Variants in HERC1 observed in about 807,000 individuals in gnomAD.
HERC1 encodes the protein HECT and RLD domain containing E3 ubiquitin protein ligase family member 1.
In HERC1, 160 loss-of-function variants were observed where a neutral mutation model predicts 554.3. The ratio of observed to expected loss-of-function variants is 0.29; its 90% CI spans 0.25 to 0.33. The LOEUF (loss-of-function observed/expected upper bound fraction) is 0.33, where lower values mean the gene tolerates loss of function less well. Among genes scored for constraint, HERC1 ranks in the 10% least tolerant of loss-of-function variants. The pLI, the probability that HERC1 is intolerant of heterozygous loss-of-function variation, is 1.00. For missense variants in HERC1, 4,919 were observed against 5,918.5 expected, an observed-to-expected ratio of 0.83 and a Z score of 5.54; for synonymous variants, 2,175 against 2,131.7, an observed-to-expected ratio of 1.02 and a Z score of -0.56.
At chr15:63,744,110 CTG>C (rs142936354) in intron 12 of HERC1, among the ~76,000 whole-genome samples, 328 of 93,372 alleles carry the variant, frequency 3.5e-3, no homozygotes, top group East Asian at 0.014. Context: ...CCCAAACAGA[CTG>C]TGTGTGTGTG....
intron 19 of HERC1, among the ~76,000 whole-genome samples, chr15:63,721,606 C>A (rs1277279935): frequency 6.6e-6 from 1 of 151,988 alleles, no homozygotes; most frequent in African/African-American, 2.4e-5. Context: ...ATATGTATCT[C>A]ATTTCATTTT....
chr15:63,810,524 T>A (rs949026426), intron 1 of HERC1, among the ~76,000 whole-genome samples: 1 of 152,074 alleles, frequency 6.6e-6, no homozygotes, highest in Non-Finnish European at 1.5e-5. Context: ...TGGGAAAAAC[T>A]AGGAAAATGA....
At position 63,696,286 on chromosome 15, in the gene HERC1, T is replaced by C; in HGVS notation, c.4959A>G (p.Glu1653=). 3.7e-6 allele frequency: 6 copies of C among 1,613,386 alleles called. No homozygotes were observed. The highest frequency in any genetic ancestry group is 5.1e-6 in the Non-Finnish European group (6 of 1,179,674). ...TTCCTGCCAGTGAGATGCTACCTTT[T>C]TCTTCCATCCCAGACAATAGAACGA... The part of the protein sequence containing the change: ...QILVLLSGME[E]KGSISLAGSR... Residue 1653 remains glutamate (E), a synonymous_variant, in exon 27 of 78, where the codon GAA becomes GAG. Coordinates refer to ENST00000443617, the MANE Select transcript of HERC1 (RefSeq NM_003922.4).
In HERC1 at chr15:63,718,754, T is replaced by C; in HGVS notation, c.3857+29A>G. 6.2e-7 allele frequency: 1 copy of C among 1,605,450 alleles called. No homozygotes were observed. On this transcript the variant is annotated intron_variant, in intron 20 of 77. Transcript: ENST00000443617. This position sits in a 1 kb window ranked among gnomAD's most constrained non-coding sequence, Gnocchi z 4.2. ...TTTCTGACATCATGAGAGCAAATAT[T>C]TGTCTGAGGATAGTTTTAAGTTACT... is the stretch of plus-strand genomic sequence containing the variant.
chr15:63,756,643 G>A lies in HERC1; in HGVS notation c.1327C>T (p.Gln443Ter), dbSNP rs774088719. 6.2e-7 allele frequency: 1 copy of A among 1,613,120 alleles called. No individual in the cohort carries two copies. Among genetic ancestry groups the A allele is most frequent in the Non-Finnish European group, 8.5e-7 (1 of 1,179,242 alleles). Residue 443 changes from glutamine (Q) to a stop codon, truncating the protein, a stop_gained, in exon 5 of 78, where the codon CAG becomes TAG. Coordinates refer to ENST00000443617, the MANE Select transcript of HERC1 (RefSeq NM_003922.4). LOFTEE classifies it high-confidence loss of function. The surrounding 1 kb of genome is among the most constrained non-coding windows in gnomAD (Gnocchi z 5.0). ...AATGTTAACTTTTTTAAAGTTGACT[G>A]ATTATTGGAGTCTCCAAGGCCCAGT... The part of the protein sequence containing the change: ...GRLGLGDSNN[Q>*]STLKKLTFEP...
intron 12 of HERC1, among the ~76,000 whole-genome samples, chr15:63,743,263 C>CTTTTTTTTTTTTTTTT (rs71131177): frequency 5.9e-4 from 64 of 109,110 alleles, no homozygotes; most frequent in Non-Finnish European, 7.3e-4. Context: ...TTTTCTTTTT[C>CTTTTTTTTTTTTTTTT]TTTTTTTTTT....
intron 59 of HERC1, 86 bp downstream of exon 59, chr15:63,642,871 C>T: frequency 1.3e-6 from 1 of 775,728 alleles, no homozygotes; most frequent in South Asian, 1.5e-5. Flanking sequence ...TCAGGTTTCT[C>T]CTCCATAAAG....
chr15:63,754,894 A>G (rs535678200), intron 6 of HERC1, among the ~76,000 whole-genome samples: 2 of 152,268 alleles, frequency 1.3e-5, no homozygotes, highest in South Asian at 4.1e-4. Context: ...CACAGCACTT[A>G]CCTTGTGTTG....
At chr15:63,783,516 AC>A (rs2076348059) in intron 1 of HERC1, among the ~76,000 whole-genome samples, 2 of 151,662 alleles carry the variant, frequency 1.3e-5, no homozygotes, top group South Asian at 4.1e-4. Context: ...CTTTATATAC[AC>A]TGAGAAACCA....
At chr15:63,801,973 T>C (rs567019792) in intron 1 of HERC1, among the ~76,000 whole-genome samples, 3 of 152,348 alleles carry the variant, frequency 2.0e-5, no homozygotes, top group Non-Finnish European at 2.9e-5. Flanking sequence ...TAACACATCA[T>C]GTTTAAAACT....
chr15:63,610,668 G>A (rs752266027), intron 77 of HERC1, among the ~76,000 whole-genome samples: 7 of 152,234 alleles, frequency 4.6e-5, no homozygotes, highest in Non-Finnish European at 1.0e-4. Flanking sequence ...TAGCCCAGGA[G>A]CAGAGCAGCA....
rs1484921907 is a variant in HERC1, at chr15:63,755,466, G to C, written c.1534-141C>G. On this transcript the variant is annotated intron_variant, in intron 5 of 77. Coordinates refer to ENST00000443617, the MANE Select transcript of HERC1 (RefSeq NM_003922.4). ...TTCCAGGTACAGTTGTGGAGGCTGTGTTCAGGCCAAGGATGACTGGCTAAG... is the reference window on the plus strand; with the variant it reads ...TTCCAGGTACAGTTGTGGAGGCTGTCTTCAGGCCAAGGATGACTGGCTAAG... 3 of 690,540 alleles carry C rather than the reference G, an allele frequency of 4.3e-6. No homozygotes were observed. The African/African-American group carries it at 5.3e-5, about 12-fold the overall frequency. The allele number at this position is 690,540 out of a possible 1,614,324, so 42.8% of individuals were successfully genotyped here. A position where few individuals can be genotyped will look rare whatever the true frequency, so the allele number is the denominator to read the frequency against.
chr15:63,765,739 T>C (rs1196081060), intron 2 of HERC1, among the ~76,000 whole-genome samples: 2 of 152,188 alleles, frequency 1.3e-5, no homozygotes, highest in Admixed American at 6.5e-5. Context: ...CATGTACTGA[T>C]TGATATATTA....
At chr15:63,744,144 GTGTGTGTGTGTGTGTGTGTGTC>G (rs2074950311) in intron 12 of HERC1, among the ~76,000 whole-genome samples, 4 of 41,802 alleles carry the variant, frequency 9.6e-5, no homozygotes, top group Non-Finnish European at 1.5e-4. Context: ...GTGTGTGTGT[GTGTGTGTGTGTGTGTGTGTGTC>G]TCTCTCTCTC....
chr15:63,649,126 G>T (rs1039587687), intron 54 of HERC1, among the ~76,000 whole-genome samples: 1 of 152,212 alleles, frequency 6.6e-6, no homozygotes, highest in South Asian at 2.1e-4. Context: ...AGGCCAAGGT[G>T]GGCGGATCAC....
At chr15:63,753,185 T>A in intron 7 of HERC1, 100 bp from the exon 8 acceptor site, 2 of 765,620 alleles carry the variant, frequency 2.6e-6, no homozygotes, top group Non-Finnish European at 3.7e-6. Context: ...TTTCCATCAC[T>A]AACCTGGCAG....
intron 2 of HERC1, among the ~76,000 whole-genome samples, chr15:63,769,064 G>A (rs2075870256): frequency 6.6e-6 from 1 of 152,154 alleles, no homozygotes; most frequent in South Asian, 2.1e-4. Context: ...AAAAAAGTCA[G>A]TATTTAAGGA....
chr15:63,732,862 C>A, intron 14 of HERC1, 62 bp downstream of exon 14: 1 of 1,095,944 alleles, frequency 9.1e-7, no homozygotes, highest in Non-Finnish European at 1.4e-6. Context: ...TGTCAAAATA[C>A]CTTGACTAAA....
Position 63,645,654 on chromosome 15 carries a change from G to C in HERC1, c.10907C>G (p.Pro3636Arg). ...KDTLISMKWDPTGHILMTCAK... is the reference protein window; with the variant it reads ...KDTLISMKWDRTGHILMTCAK... ...ACATGTCATAAGAATATGACCTGTA[G>C]GGTCCCACTTCATGCTAATAAGAGT... Residue 3636 changes from proline to arginine, a missense_variant, in exon 56 of 78, where the codon CCT becomes CGT. This residue lies in a region of HERC1 where 1,963 missense variants were observed against 2,228.6 expected (regional missense o/e 0.88). Transcript: ENST00000443617. 6.2e-7 allele frequency: 1 copy of C among 1,601,804 alleles called. No individual in the cohort carries two copies. Among genetic ancestry groups the C allele is most frequent in the Non-Finnish European group, 8.5e-7 (1 of 1,174,734 alleles).
Sources: gnomAD v4.1 joint callset for allele counts (sites outside exome capture counted in the v4.1 genomes callset) on GRCh38, gnomAD v4.1.1 for gene constraint, gnomAD v4.1.1 regional missense constraint, Gnocchi (gnomAD v3.1) non-coding constraint, MANE v1.5 for transcripts, NCBI Gene and HGNC (gene_info 2026-07-23, HGNC 2026-07-21) for gene names.